Variants in ANKRD12 observed in about 807,000 individuals in gnomAD.
ANKRD12 encodes the protein ankyrin repeat domain-containing protein 12.
A neutral mutation model predicts 183.4 loss-of-function variants in ANKRD12; 85 were observed. That is an observed-to-expected ratio of 0.46 (90% CI 0.39 to 0.56). ANKRD12 has a LOEUF of 0.56. Ranked by LOEUF, ANKRD12 falls within the 20% of genes least tolerant of loss-of-function variation. ANKRD12 has a pLI of 0.00. For missense variants in ANKRD12, 2,405 were observed against 2,357.1 expected (o/e 1.02, Z -0.42); for synonymous variants, 914 against 800.2 (o/e 1.14, Z -2.40).
At chr18:9,261,369 ATGTAT>A (rs2038956191) in intron 9 of ANKRD12, among the ~76,000 whole-genome samples, 1 of 152,216 alleles carries the variant, frequency 6.6e-6, no homozygotes, top group Non-Finnish European at 1.5e-5. Context: ...AGAACCTTTG[ATGTAT>A]TGGGAGTTTT....
intron 8 of ANKRD12, among the ~76,000 whole-genome samples, chr18:9,227,983 TGTCATTCTA>T (rs1481431404): frequency 6.6e-6 from 1 of 152,162 alleles, no homozygotes; most frequent in Non-Finnish European, 1.5e-5. Flanking sequence ...CTCTGGTATC[TGTCATTCTA>T]GTCTCTATGT....
intron 1 of ANKRD12, among the ~76,000 whole-genome samples, chr18:9,181,505 A>C (rs2033698613): frequency 6.6e-6 from 1 of 152,040 alleles, no homozygotes; most frequent in Non-Finnish European, 1.5e-5. Context: ...CCCAAGTAAT[A>C]CTCCCCTTGG....
At chr18:9,177,815 G>T (rs1048388936) in intron 1 of ANKRD12, among the ~76,000 whole-genome samples, 3 of 152,050 alleles carry the variant, frequency 2.0e-5, no homozygotes, top group African/African-American at 7.3e-5. Flanking sequence ...TCTCACATAT[G>T]AGTGAGAACA....
intron 2 of ANKRD12, among the ~76,000 whole-genome samples, chr18:9,185,914 G>A (rs1317297867): frequency 6.6e-6 from 1 of 152,208 alleles, no homozygotes; most frequent in African/African-American, 2.4e-5. Context: ...AGAATGCAAT[G>A]TTAGATTTGA....
chr18:9,165,834 G>A (rs1281155872), intron 1 of ANKRD12, among the ~76,000 whole-genome samples: 1 of 148,030 alleles, frequency 6.8e-6, no homozygotes, highest in South Asian at 2.1e-4. Flanking sequence ...TCATCATTTA[G>A]CATTAGGTAT....
intron 8 of ANKRD12, among the ~76,000 whole-genome samples, chr18:9,252,659 C>T (rs1041433869): frequency 2.6e-5 from 4 of 152,114 alleles, no homozygotes; most frequent in Non-Finnish European, 4.4e-5. Flanking sequence ...GTTTAACTCC[C>T]TTAAGATAAT....
chr18:9,190,566 A>T (rs1038413427), intron 2 of ANKRD12, among the ~76,000 whole-genome samples: 1 of 152,196 alleles, frequency 6.6e-6, no homozygotes, highest in African/African-American at 2.4e-5. Flanking sequence ...TGCTCCAGAG[A>T]GATCTCTTGT....
chr18:9,248,449 A>G (rs1169115443), intron 8 of ANKRD12, among the ~76,000 whole-genome samples: 1 of 152,232 alleles, frequency 6.6e-6, no homozygotes, highest in Non-Finnish European at 1.5e-5. Flanking sequence ...ATCTAAGTGA[A>G]ATAAGTATTT....
intron 1 of ANKRD12, among the ~76,000 whole-genome samples, chr18:9,154,104 T>C (rs775278259): frequency 1.3e-5 from 2 of 152,138 alleles, no homozygotes; most frequent in Non-Finnish European, 2.9e-5. Flanking sequence ...GGCGGTGATA[T>C]AATTTGATTT....
At chr18:9,188,336 C>G (rs1317016889) in intron 2 of ANKRD12, among the ~76,000 whole-genome samples, 1 of 152,192 alleles carries the variant, frequency 6.6e-6, no homozygotes, top group South Asian at 2.1e-4. Context: ...TTACACTGGA[C>G]AGCAAACAGG....
chr18:9,208,087 G>T (rs1055089377), intron 4 of ANKRD12, among the ~76,000 whole-genome samples: 2 of 152,076 alleles, frequency 1.3e-5, no homozygotes, highest in Non-Finnish European at 2.9e-5. Flanking sequence ...TTTAATTTGC[G>T]CATTCTTGGC....
intron 10 of ANKRD12, among the ~76,000 whole-genome samples, chr18:9,272,660 C>G (rs2039661063): frequency 6.6e-6 from 1 of 152,066 alleles, no homozygotes; most frequent in Non-Finnish European, 1.5e-5. Context: ...CTACAACCAA[C>G]TTTTTAGGAA....
intron 9 of ANKRD12, chr18:9,260,364 A>G (rs2038893197): frequency 6.6e-6 from 1 of 152,140 alleles, no homozygotes; most frequent in South Asian, 2.1e-4. Context: ...GATGTCTACA[A>G]AAATAAAAAA....
Position 9,258,413 on chromosome 18 carries a change from GTAGAAT to G in ANKRD12, c.5152_5157del (p.Leu1718_Glu1719del). 4 of 1,613,768 alleles carry G rather than the reference GTAGAAT, an allele frequency of 2.5e-6. No homozygotes were observed. Among genetic ancestry groups the G allele is most frequent in the Non-Finnish European group, 3.4e-6 (4 of 1,179,924 alleles). ...GCATAAATATGGTCAGTTAGTTAAAGTAGAATTAGAAGAAAATGCCGAAGATGATAA... is the reference window on the plus strand; with the variant it reads ...GCATAAATATGGTCAGTTAGTTAAAGTAGAAGAAAATGCCGAAGATGATAA... On this transcript the variant is annotated inframe_deletion, in exon 9 of 13. Coordinates refer to ENST00000262126, the MANE Select transcript of ANKRD12 (RefSeq NM_015208.5).
At chr18:9,249,091 T>C (rs2038131794) in intron 8 of ANKRD12, among the ~76,000 whole-genome samples, 1 of 152,214 alleles carries the variant, frequency 6.6e-6, no homozygotes, top group African/African-American at 2.4e-5. Context: ...GCACTTACTA[T>C]GTGCTAGACA....
At position 9,277,678 on chromosome 18, in the gene ANKRD12, AAAC is replaced by A. The variant is rs563750582; in HGVS notation, c.5908-1868_5908-1866del. Among the ~76,000 whole-genome samples, 180 of 152,274 alleles carry A rather than the reference AAAC, an allele frequency of 1.2e-3. 2 individuals are homozygous for A. Among genetic ancestry groups the A allele is most frequent in the African/African-American group, 3.9e-3 (163 of 41,558 alleles). On this transcript the variant is annotated intron_variant, in intron 11 of 12. Coordinates refer to ENST00000262126, the MANE Select transcript of ANKRD12 (RefSeq NM_015208.5). ...AATTAATTAAATTCATTAAAAATAA[AAAC>A]AAATTCATAGCAGAGCTGGAAATTG...
At chr18:9,196,222 A>ACACACACACT (rs869042165) in intron 3 of ANKRD12, among the ~76,000 whole-genome samples, 10 of 133,294 alleles carry the variant, frequency 7.5e-5, no homozygotes, top group African/African-American at 2.6e-4. Flanking sequence ...ACACACACAC[A>ACACACACACT]CTGAGGCTAA....
rs766678479 is a variant in ANKRD12 at position 9,277,640 on chromosome 18, TTAAAAG to T, written c.5908-1904_5908-1899del. On this transcript the variant is annotated intron_variant, in intron 11 of 12. Transcript: ENST00000262126. Reference sequence around the variant, plus strand: ...CCGCGCCCGGCCGACACCCTGTTTCTTAAAAGTAAAGTAATTAATTAAATTCATTAA... The same window carrying T: ...CCGCGCCCGGCCGACACCCTGTTTCTTAAAGTAATTAATTAAATTCATTAA... 1.8e-3 allele frequency among the ~76,000 whole-genome samples: 271 copies of T among 152,224 alleles called. 1 individual carries two copies. The highest frequency in any genetic ancestry group is 3.4e-3 in the Middle Eastern group (1 of 294).
At chr18:9,194,400 A>G (rs1302867494) in intron 2 of ANKRD12, among the ~76,000 whole-genome samples, 3 of 151,818 alleles carry the variant, frequency 2.0e-5, no homozygotes, top group Non-Finnish European at 4.4e-5. Flanking sequence ...CTTGTTGCCC[A>G]GGCTGGAGTG....
Sources: allele counts gnomAD v4.1 joint callset (sites outside exome capture counted in the v4.1 genomes callset), GRCh38; gene constraint gnomAD v4.1.1; transcripts MANE v1.5; gene names NCBI Gene and HGNC (gene_info 2026-07-23, HGNC 2026-07-21).